AKAP13: variants seen among roughly 807,000 people sequenced by gnomAD.
AKAP13 encodes the protein A-kinase anchoring protein 13.
In AKAP13, 80 loss-of-function variants were observed where a neutral mutation model predicts 264.5. The ratio of observed to expected loss-of-function variants is 0.30; its 90% CI spans 0.25 to 0.36. AKAP13 has a LOEUF of 0.36. Among genes scored for constraint, AKAP13 ranks in the 10% least tolerant of loss-of-function variants. The pLI, the probability that AKAP13 is intolerant of heterozygous loss-of-function variation, is 1.00. For missense variants in AKAP13, 3,712 were observed against 3,435.2 expected, an observed-to-expected ratio of 1.08 and a Z score of -2.01; for synonymous variants, 1,380 against 1,250.2, an observed-to-expected ratio of 1.10 and a Z score of -2.19.
intron 2 of AKAP13, among the ~76,000 whole-genome samples, chr15:85,503,205 T>C (rs1230189376): frequency 6.6e-6 from 1 of 152,222 alleles, no homozygotes. Context: ...CAAGAGCCAT[T>C]ATTTCATGCA....
At position 85,744,682 on chromosome 15, in the gene AKAP13, C is replaced by T. The variant is rs771624671; in HGVS notation, c.*5C>T. 2.1e-5 allele frequency: 33 copies of T among 1,602,026 alleles called. No homozygotes were observed. In the East Asian group the frequency reaches 4.5e-4, roughly 22 times the overall value. ...GGTGAAGAGATCTTCTGCTGACCCT[C>T]TTCCTCTCTGCTGAGGCAGCTGCCT... On this transcript the variant is annotated 3_prime_UTR_variant, in exon 37 of 37. Transcript: ENST00000394518.
At chr15:85,523,760 A>G (rs1434509867) in intron 3 of AKAP13, among the ~76,000 whole-genome samples, 1 of 152,198 alleles carries the variant, frequency 6.6e-6, no homozygotes, top group East Asian at 1.9e-4. Context: ...AAAGATGTGT[A>G]TGTATGTGAA....
At chr15:85,702,403 A>T (rs776743757) in intron 17 of AKAP13, 7 of 152,216 alleles carry the variant, frequency 4.6e-5, no homozygotes, top group Admixed American at 1.3e-4. Flanking sequence ...CCCATGTGTT[A>T]TCTTGGCAGG....
At chr15:85,719,437 G>T in intron 23 of AKAP13, 111 bp downstream of exon 23, 1 of 1,387,522 alleles carries the variant, frequency 7.2e-7, no homozygotes, top group Non-Finnish European at 9.7e-7. Context: ...ATCTGTGTAA[G>T]CTCAGGGAAC....
intron 5 of AKAP13, among the ~76,000 whole-genome samples, chr15:85,555,021 A>G (rs1037462554): frequency 1.1e-4 from 16 of 151,882 alleles, no homozygotes; most frequent in African/African-American, 2.4e-4. Flanking sequence ...TGGCAGTTCT[A>G]TGTTCCCTCC....
chr15:85,702,620 G>C (rs1389327001), intron 17 of AKAP13: 1 of 152,156 alleles, frequency 6.6e-6, no homozygotes, highest in Non-Finnish European at 1.5e-5. Flanking sequence ...CCCCTGGATA[G>C]AGCTTCATAC....
At chr15:85,454,643 C>A (rs2074221113) in intron 1 of AKAP13, among the ~76,000 whole-genome samples, 1 of 152,052 alleles carries the variant, frequency 6.6e-6, no homozygotes, top group Non-Finnish European at 1.5e-5. Context: ...GCCGTTTAAA[C>A]TGTTTAAAAA....
At position 85,693,274 on chromosome 15, in the gene AKAP13, CAGGAAA is replaced by C; in HGVS notation, c.5295_5300del (p.Glu1768_Lys1769del). ...CTGTGGATTATTTTCTTTTCTTCGG[CAGGAAA>C]AGGAAAAAGAAAAAGATAAGATTAA... On this transcript the variant is annotated splice_acceptor_variant and coding_sequence_variant, in exon 17 of 37. Transcript: ENST00000394518. LOFTEE classifies it high-confidence loss of function. 1 of 1,588,036 alleles carries C rather than the reference CAGGAAA, an allele frequency of 6.3e-7. No homozygotes were observed. Among genetic ancestry groups the C allele is most frequent in the African/African-American group, 1.4e-5 (1 of 72,984 alleles).
At chr15:85,527,069 C>G (rs2151174933) in intron 3 of AKAP13, among the ~76,000 whole-genome samples, 1 of 152,102 alleles carries the variant, frequency 6.6e-6, no homozygotes, top group African/African-American at 2.4e-5. Context: ...ATTCTCCTGC[C>G]TCAGCCTCCC....
chr15:85,456,995 A>G (rs1374165368), intron 1 of AKAP13, among the ~76,000 whole-genome samples: 2 of 152,244 alleles, frequency 1.3e-5, no homozygotes, highest in Non-Finnish European at 2.9e-5. Context: ...CACCAACTGT[A>G]GCGAGACATT....
intron 5 of AKAP13, among the ~76,000 whole-genome samples, chr15:85,553,084 C>A (rs375790839): frequency 8.3e-6 from 1 of 120,402 alleles, no homozygotes; most frequent in Non-Finnish European, 1.7e-5. Context: ...ATCTGTAATT[C>A]TTTTTTTTTT....
At position 85,615,412 on chromosome 15, in the gene AKAP13, A is replaced by G. The variant is rs182745008; in HGVS notation, c.4162-23962A>G. 2.1e-5 allele frequency among the ~76,000 whole-genome samples: 3 copies of G among 140,274 alleles called. No individual in the cohort carries two copies. The Admixed American group carries it at 2.2e-4, about 10-fold the overall frequency. The allele number at this position is 140,274 out of a possible 152,430, so 92.0% of individuals were successfully genotyped here. On this transcript the variant is annotated intron_variant, in intron 8 of 36. Coordinates refer to ENST00000394518, the MANE Select transcript of AKAP13 (RefSeq NM_007200.5). ...CTGCTTCTCCTGGAGCCATAGTACA[A>G]GGAAAGCCTAATTGGAGACGATCCT... is the stretch of plus-strand genomic sequence containing the variant.
At chr15:85,694,204 C>A (rs2085446344) in intron 17 of AKAP13, among the ~76,000 whole-genome samples, 1 of 152,216 alleles carries the variant, frequency 6.6e-6, no homozygotes, top group African/African-American at 2.4e-5. Context: ...ATAGTGACGG[C>A]CAAGGGAGAG....
chr15:85,549,303 C>A (rs977866396), intron 5 of AKAP13, among the ~76,000 whole-genome samples: 1 of 152,178 alleles, frequency 6.6e-6, no homozygotes, highest in Admixed American at 6.5e-5. Context: ...AAATCATTTA[C>A]AGTCCTTCCA....
chr15:85,685,124 CAGGT>C, intron 16 of AKAP13: 1 of 357,806 alleles, frequency 2.8e-6, no homozygotes, highest in Non-Finnish European at 5.0e-6. Context: ...ACAACCCTGT[CAGGT>C]AGGTGTTATC....
chr15:85,620,082 T>C (rs1274656925), intron 8 of AKAP13: 16 of 1,535,962 alleles, frequency 1.0e-5, no homozygotes, highest in Non-Finnish European at 1.0e-5. Context: ...CTTTCTTGCA[T>C]TTGGGCAAAA....
At chr15:85,519,681 G>A (rs2076742165) in intron 2 of AKAP13, among the ~76,000 whole-genome samples, 1 of 152,202 alleles carries the variant, frequency 6.6e-6, no homozygotes, top group South Asian at 2.1e-4. Flanking sequence ...TTTACCAGCC[G>A]TGATATTCCT....
At chr15:85,614,298 A>G (rs915688825) in intron 8 of AKAP13, among the ~76,000 whole-genome samples, 6 of 152,222 alleles carry the variant, frequency 3.9e-5, no homozygotes, top group African/African-American at 1.2e-4. Flanking sequence ...GCCAAAAGAA[A>G]TAATGAATGT....
chr15:85,706,128 G>T (rs946691734), intron 17 of AKAP13, among the ~76,000 whole-genome samples: 3 of 152,122 alleles, frequency 2.0e-5, no homozygotes, highest in African/African-American at 7.2e-5. Context: ...GGGGATTTGT[G>T]AAGAGAAAGG....
Sources: allele counts gnomAD v4.1 joint callset (sites outside exome capture counted in the v4.1 genomes callset), GRCh38; gene constraint gnomAD v4.1.1; transcripts MANE v1.5; gene names NCBI Gene and HGNC (gene_info 2026-07-23, HGNC 2026-07-21).